SLC9A2: variants seen among roughly 807,000 people sequenced by gnomAD.
SLC9A2 encodes solute carrier family 9 member A2.
A neutral mutation model predicts 71.7 loss-of-function variants in SLC9A2; 42 were observed. The observed-to-expected ratio is 0.59, with a 90% CI of 0.46 to 0.76. SLC9A2 has a LOEUF of 0.76. SLC9A2 is among the 30% of genes least tolerant of loss of function. The pLI, the probability that SLC9A2 is intolerant of heterozygous loss-of-function variation, is 0.00. For missense variants in SLC9A2, 829 were observed against 1,017.4 expected, an observed-to-expected ratio of 0.81 and a Z score of 2.52; for synonymous variants, 396 against 392.5, an observed-to-expected ratio of 1.01 and a Z score of -0.10.
At chr2:102,644,847 C>T (rs773897903) in intron 1 of SLC9A2, among the ~76,000 whole-genome samples, 8 of 152,302 alleles carry the variant, frequency 5.3e-5, no homozygotes, top group East Asian at 1.9e-4. Context: ...AGAGCACCCG[C>T]GAGAAGGGGC....
At chr2:102,666,991 T>C (rs1677152807) in intron 3 of SLC9A2, among the ~76,000 whole-genome samples, 1 of 152,218 alleles carries the variant, frequency 6.6e-6, no homozygotes, top group Non-Finnish European at 1.5e-5. Flanking sequence ...ACTTTTGCCA[T>C]ATATCAGCAC....
Position 102,701,054 on chromosome 2 carries a change from G to T in SLC9A2, c.1587-16G>T, listed in dbSNP as rs774579383. Reference sequence around the variant, plus strand: ...TCAATCCAGTATTAATTTATTGAAAGTTTCTTTATTTACAGGTTTAAGAAG... The same window carrying T: ...TCAATCCAGTATTAATTTATTGAAATTTTCTTTATTTACAGGTTTAAGAAG... On this transcript the variant is annotated splice_polypyrimidine_tract_variant and intron_variant, in intron 7 of 11. Transcript: ENST00000233969. 2.6e-6 allele frequency: 4 copies of T among 1,542,202 alleles called. No homozygotes were observed. Among genetic ancestry groups the T allele is most frequent in the Non-Finnish European group, 3.5e-6 (4 of 1,139,908 alleles).
chr2:102,704,558 C>A lies in SLC9A2; in HGVS notation c.1860C>A (p.Asn620Lys). ...YQIRQRTLSYNRHSLTADTSE... is the reference protein window; with the variant it reads ...YQIRQRTLSYKRHSLTADTSE... Reference sequence around the variant, plus strand: ...TTTCATTCCAGACTTTATCCTACAACAGACACAGTCTGACAGCCGACACAA... The same window carrying A: ...TTTCATTCCAGACTTTATCCTACAAAAGACACAGTCTGACAGCCGACACAA... The change falls in exon 10 of 12, where the codon AAC (asparagine) becomes AAA (lysine). Residue 620 changes from asparagine (N) to lysine (K), a missense_variant. This residue lies in a region of SLC9A2 where 500 missense variants were observed against 726.3 expected (regional missense o/e 0.69). Coordinates refer to ENST00000233969, the MANE Select transcript of SLC9A2 (RefSeq NM_003048.6). The A allele has an allele frequency of 6.2e-7, 1 of 1,612,716 alleles. No homozygotes were observed. The highest frequency in any genetic ancestry group is 8.5e-7 in the Non-Finnish European group (1 of 1,179,108).
chr2:102,647,965 A>G (rs1394662472), intron 1 of SLC9A2, among the ~76,000 whole-genome samples: 1 of 152,206 alleles, frequency 6.6e-6, no homozygotes, highest in Non-Finnish European at 1.5e-5. Context: ...CAATAGAAAA[A>G]GAAGGACTCT....
Position 102,665,179 on chromosome 2 carries a change from T to C in SLC9A2, c.833T>C (p.Phe278Ser), listed in dbSNP as rs754562375. ...TIDVFAGIANFFVVGIGGVLI... is the reference protein window; with the variant it reads ...TIDVFAGIANSFVVGIGGVLI... ...GATGTGTTTGCAGGAATCGCCAACT[T>C]CTTTGTTGTGGGAATCGGTGGGGTG... is the stretch of plus-strand genomic sequence containing the variant. Residue 278 changes from phenylalanine to serine, a missense_variant, in exon 3 of 12, where the codon TTC becomes TCC. Coordinates refer to ENST00000233969, the MANE Select transcript of SLC9A2 (RefSeq NM_003048.6). 1.2e-6 allele frequency: 2 copies of C among 1,614,090 alleles called. No homozygotes were observed. Among genetic ancestry groups the C allele is most frequent in the South Asian group, 2.2e-5 (2 of 91,082 alleles).
At chr2:102,659,992 T>C (rs1167933601) in intron 2 of SLC9A2, among the ~76,000 whole-genome samples, 1 of 152,198 alleles carries the variant, frequency 6.6e-6, no homozygotes, top group Non-Finnish European at 1.5e-5. Context: ...ACACCAGGCC[T>C]CCACACTGCT....
chr2:102,695,019 A>G (rs764088709), intron 6 of SLC9A2, 24 bp from the exon 7 acceptor site: 1 of 1,607,332 alleles, frequency 6.2e-7, no homozygotes, highest in Non-Finnish European at 8.5e-7. Flanking sequence ...AGACTAATCA[A>G]TTTGCCTGCT....
intron 3 of SLC9A2, among the ~76,000 whole-genome samples, chr2:102,679,014 A>G (rs148566940): frequency 6.6e-6 from 1 of 152,328 alleles, no homozygotes; most frequent in Non-Finnish European, 1.5e-5. Flanking sequence ...TTTGCAGTAA[A>G]AACAGCCCCG....
At chr2:102,631,225 T>G (rs1676348518) in intron 1 of SLC9A2, among the ~76,000 whole-genome samples, 1 of 152,136 alleles carries the variant, frequency 6.6e-6, no homozygotes, top group African/African-American at 2.4e-5. Context: ...GAATTTCCCC[T>G]GGCTCAAAGC....
At chr2:102,665,759 GCAAGACTCTGTCTTAAAAAAA>G (rs1376753737) in intron 3 of SLC9A2, among the ~76,000 whole-genome samples, 1 of 99,850 alleles carries the variant, frequency 1.0e-5, no homozygotes, top group Admixed American at 1.7e-4. Flanking sequence ...GGGCCACACA[GCAAGACTCTGTCTTAAAAAAA>G]AAAAAAAAAA....
At position 102,709,934 on chromosome 2, in the gene SLC9A2, A is replaced by T. The variant is rs1289410899; in HGVS notation, c.*1445A>T. 6.6e-6 allele frequency: 1 copy of T among 152,444 alleles called. No homozygotes were observed. The highest frequency in any genetic ancestry group is 2.4e-5 in the African/African-American group (1 of 41,452). The allele number at this position is 152,444 out of a possible 1,614,324, so 9.4% of individuals were successfully genotyped here. A position where few individuals can be genotyped will look rare whatever the true frequency, so the allele number is the denominator to read the frequency against. On this transcript the variant is annotated 3_prime_UTR_variant, in exon 12 of 12. Transcript: ENST00000233969. ...TACCCCAAAGGATGCAAGTGCCTAC[A>T]GTATTATCAGGAGGAGAACATGAAA...
intron 5 of SLC9A2, among the ~76,000 whole-genome samples, chr2:102,689,361 C>T (rs1677615812): frequency 6.6e-6 from 1 of 152,162 alleles, no homozygotes; most frequent in Non-Finnish European, 1.5e-5. Context: ...AAAAAGTCAT[C>T]AAGGCCTGAC....
intron 3 of SLC9A2, among the ~76,000 whole-genome samples, chr2:102,670,842 A>T (rs6725835): frequency 0.35 from 45,468 of 130,920 alleles, 8,101 homozygotes; most frequent in East Asian, 0.54. Context: ...AAAAATAGGA[A>T]GGCATGCTTT....
At chr2:102,678,007 A>C (rs1187082285) in intron 3 of SLC9A2, among the ~76,000 whole-genome samples, 1 of 150,084 alleles carries the variant, frequency 6.7e-6, no homozygotes, top group Non-Finnish European at 1.5e-5. Context: ...TGAATTACTC[A>C]CTTCCTCTTT....
intron 1 of SLC9A2, among the ~76,000 whole-genome samples, chr2:102,632,232 T>A (rs1676389026): frequency 1.4e-5 from 2 of 140,822 alleles, no homozygotes; most frequent in South Asian, 4.3e-4. Context: ...TTATTATATA[T>A]ATAATACATA....
At chr2:102,673,280 C>T (rs768344703) in intron 3 of SLC9A2, among the ~76,000 whole-genome samples, 18 of 152,084 alleles carry the variant, frequency 1.2e-4, no homozygotes, top group Non-Finnish European at 2.4e-4. Flanking sequence ...ATTGGTACAA[C>T]GCATAATAAA....
chr2:102,673,548 G>A (rs536832359), intron 3 of SLC9A2, among the ~76,000 whole-genome samples: 1 of 152,236 alleles, frequency 6.6e-6, no homozygotes, highest in African/African-American at 2.4e-5. Flanking sequence ...ATTAAGAACT[G>A]ATTCTTCCAA....
In SLC9A2 at chr2:102,708,200, A is replaced by G; in HGVS notation, c.2150A>G (p.Glu717Gly). The G allele has an allele frequency of 6.2e-7, 1 of 1,614,208 alleles. No homozygotes were observed. The highest frequency in any genetic ancestry group is 8.5e-7 in the Non-Finnish European group (1 of 1,180,038). ...CCCAGAGCCAGGCGCTTCTTGCCAG[A>G]ACAGTTCTCCAAGAAATCCCCCCAG... The part of the protein sequence containing the change: ...LQPRARRFLP[E>G]QFSKKSPQSY... The change falls in exon 12 of 12, where the codon GAA (glutamate) becomes GGA (glycine). Residue 717 changes from glutamate to glycine, a missense_variant. Coordinates refer to ENST00000233969, the MANE Select transcript of SLC9A2 (RefSeq NM_003048.6).
intron 1 of SLC9A2, among the ~76,000 whole-genome samples, chr2:102,636,688 A>T (rs780195866): frequency 6.6e-6 from 1 of 152,210 alleles, no homozygotes; most frequent in Non-Finnish European, 1.5e-5. Context: ...CTAAGATTTA[A>T]CATCTAGCCT....
Sources: gnomAD v4.1 joint callset for allele counts (sites outside exome capture counted in the v4.1 genomes callset) on GRCh38, gnomAD v4.1.1 for gene constraint, gnomAD v4.1.1 regional missense constraint, MANE v1.5 for transcripts, NCBI Gene and HGNC (gene_info 2026-07-23, HGNC 2026-07-21) for gene names.